The following CDK5RAP2 variants were observed in gnomAD, a reference collection of about 807,000 sequenced individuals.
CDK5RAP2 encodes CDK5 regulatory subunit-associated protein 2.
A neutral mutation model predicts 232.9 loss-of-function variants in CDK5RAP2; 147 were observed. The observed-to-expected ratio is 0.63, with a 90% confidence interval of 0.55 to 0.72. CDK5RAP2 has a LOEUF of 0.72. Ranked by LOEUF, CDK5RAP2 falls within the 30% of genes least tolerant of loss-of-function variation. The pLI is 0.00. For synonymous variants in CDK5RAP2, 833 were observed against 833.7 expected, an observed-to-expected ratio of 1.00 and a Z score of 0.01; for missense variants, 2,195 against 2,231.5, an observed-to-expected ratio of 0.98 and a Z score of 0.33.
intron 19 of CDK5RAP2, 35 bp from the exon 20 acceptor site, chr9:120,458,657 A>G: frequency 6.3e-7 from 1 of 1,597,816 alleles, no homozygotes; most frequent in Non-Finnish European, 8.6e-7. Context: ...ATAATGGAAT[A>G]AGGAGGAAGG....
intron 25 of CDK5RAP2, among the ~76,000 whole-genome samples, chr9:120,428,007 C>A (rs1205312485): frequency 6.6e-6 from 1 of 152,212 alleles, no homozygotes; most frequent in Non-Finnish European, 1.5e-5. Context: ...TGAATGACTA[C>A]TGGGTACATA....
At chr9:120,411,214 G>A (rs767663079) in intron 29 of CDK5RAP2, 144 bp downstream of exon 29, 1 of 712,218 alleles carries the variant, frequency 1.4e-6, no homozygotes. Context: ...ACCTCACAGG[G>A]CTGCTGTGAC....
chr9:120,541,921 G>A (rs901798199), intron 5 of CDK5RAP2, among the ~76,000 whole-genome samples: 4 of 152,190 alleles, frequency 2.6e-5, no homozygotes, highest in African/African-American at 9.6e-5. Context: ...GAGAGAAACT[G>A]GTTTCATCTA....
intron 26 of CDK5RAP2, among the ~76,000 whole-genome samples, chr9:120,421,790 A>G (rs1300077284): frequency 6.6e-6 from 1 of 152,244 alleles, no homozygotes; most frequent in Non-Finnish European, 1.5e-5. Context: ...GATATTCAAG[A>G]CATAGGCTTT....
Position 120,415,122 on chromosome 9 carries a change from C to G in CDK5RAP2, c.4215G>C (p.Leu1405Phe). ...TAATAGATTCTTCTAAACGCTTTCT[C>G]AAAGTTCGAATTTCCTGTATGTGTT... is the stretch of plus-strand genomic sequence containing the variant. The part of the protein sequence containing the change: ...LMEHIQEIRT[L>F]RKRLEESIKT... Residue 1405 changes from leucine (L) to phenylalanine (F), a missense_variant, in exon 28 of 38, where the codon TTG (leucine) becomes TTC (phenylalanine). By Grantham distance (22) the Leu-to-Phe change is conservative. Coordinates refer to ENST00000349780, the MANE Select transcript of CDK5RAP2 (RefSeq NM_018249.6). 1.2e-6 allele frequency: 2 copies of G among 1,614,118 alleles called. No homozygotes were observed. The highest frequency in any genetic ancestry group is 1.7e-6 in the Non-Finnish European group (2 of 1,179,992).
intron 12 of CDK5RAP2, among the ~76,000 whole-genome samples, chr9:120,493,635 G>C (rs1430374075): frequency 6.6e-6 from 1 of 152,170 alleles, no homozygotes; most frequent in East Asian, 1.9e-4. Flanking sequence ...TACCACTTTA[G>C]ATGGTAGTTA....
chr9:120,452,430 A>T (rs1225571168), intron 21 of CDK5RAP2, among the ~76,000 whole-genome samples: 1 of 152,158 alleles, frequency 6.6e-6, no homozygotes. Context: ...TTAATTCTCC[A>T]TTCTGATGCT....
In CDK5RAP2 at chr9:120,545,749, T is replaced by C. The variant is rs988540359; in HGVS notation, c.348A>G (p.Glu116=). 2 of 1,613,544 alleles carry C rather than the reference T, an allele frequency of 1.2e-6. No individual in the cohort carries two copies. The highest frequency in any genetic ancestry group is 1.7e-6 in the Non-Finnish European group (2 of 1,179,806). Reference sequence around the variant, plus strand: ...TGAGCAGCTGCTCTCTCTCCTGGAGTTCCCGCTTCAGACTTTCTACTTCCA... The same window carrying C: ...TGAGCAGCTGCTCTCTCTCCTGGAGCTCCCGCTTCAGACTTTCTACTTCCA... The part of the protein sequence containing the change: ...LKVEVESLKR[E]LQEREQLLIK... The change falls in exon 5 of 38, where the codon GAA becomes GAG. Residue 116 remains glutamate (E), a synonymous_variant. Transcript: ENST00000349780.
chr9:120,473,425 G>A (rs887957687), intron 15 of CDK5RAP2, among the ~76,000 whole-genome samples: 5 of 152,206 alleles, frequency 3.3e-5, no homozygotes, highest in African/African-American at 9.7e-5. Context: ...GCCCCCGAAT[G>A]GTTAGAGGCA....
intron 15 of CDK5RAP2, among the ~76,000 whole-genome samples, chr9:120,476,148 T>C (rs916620847): frequency 1.3e-5 from 2 of 151,458 alleles, no homozygotes; most frequent in African/African-American, 2.4e-5. Context: ...GCAGAGGACA[T>C]ATGAGAGGGA....
intron 12 of CDK5RAP2, among the ~76,000 whole-genome samples, chr9:120,493,276 A>G (rs796135005): frequency 2.2e-4 from 34 of 152,358 alleles, no homozygotes; most frequent in African/African-American, 6.0e-4. Flanking sequence ...GCAAGATAAT[A>G]GATTTGTATT....
At position 120,547,519 on chromosome 9, in the gene CDK5RAP2, G is replaced by A. The variant is rs549778758; in HGVS notation, c.307-1729C>T. ...TTTGGAAGGCTGAGGCAGAAGAATC[G>A]CTCGAACCCAGGAGGCAGAGGTCGC... On this transcript the variant is annotated intron_variant, in intron 4 of 37. Transcript: ENST00000349780. Among the ~76,000 whole-genome samples the A allele has an allele frequency of 3.9e-5, 6 of 151,960 alleles. No individual in the cohort carries two copies. The East Asian group carries it at 5.9e-4, about 15-fold the overall frequency.
At chr9:120,510,780 C>A (rs1305476605) in intron 12 of CDK5RAP2, among the ~76,000 whole-genome samples, 1 of 152,150 alleles carries the variant, frequency 6.6e-6, no homozygotes, top group Non-Finnish European at 1.5e-5. Flanking sequence ...CCTGAGTTTC[C>A]TTCAAGGGAT....
At chr9:120,455,822 C>T (rs2036741666) in intron 20 of CDK5RAP2, among the ~76,000 whole-genome samples, 1 of 152,046 alleles carries the variant, frequency 6.6e-6, no homozygotes, top group South Asian at 2.1e-4. Flanking sequence ...AGGAGCTCCC[C>T]TCATGCTGGT....
chr9:120,389,650 C>T (rs535104348), intron 37 of CDK5RAP2, 91 bp downstream of exon 37: 97 of 1,245,076 alleles, frequency 7.8e-5, no homozygotes, highest in Non-Finnish European at 1.1e-4. Context: ...CCTGGTTCCA[C>T]CTGCACCTTC....
At chr9:120,447,508 G>A (rs2036256790) in intron 22 of CDK5RAP2, among the ~76,000 whole-genome samples, 1 of 152,230 alleles carries the variant, frequency 6.6e-6, no homozygotes, top group Non-Finnish European at 1.5e-5. Flanking sequence ...TTAGCCCCAA[G>A]TTGGCCTGGA....
At position 120,535,233 on chromosome 9, in the gene CDK5RAP2, T is replaced by C. The variant is rs542147240; in HGVS notation, c.662+1139A>G. Among the ~76,000 whole-genome samples, 90 of 152,316 alleles carry C rather than the reference T, an allele frequency of 5.9e-4. 1 individual carries two copies. The highest frequency in any genetic ancestry group is 2.1e-3 in the African/African-American group (88 of 41,574). On this transcript the variant is annotated intron_variant, in intron 7 of 37. Transcript: ENST00000349780. Reference sequence around the variant, plus strand: ...CCTCCAAATGCTGAAGCTAGGGCACTTACATGGAGGCATGGGCTCTCCCTC... The same window carrying C: ...CCTCCAAATGCTGAAGCTAGGGCACCTACATGGAGGCATGGGCTCTCCCTC...
intron 14 of CDK5RAP2, among the ~76,000 whole-genome samples, chr9:120,484,914 G>C (rs2038515132): frequency 1.3e-5 from 2 of 151,314 alleles, no homozygotes; most frequent in African/African-American, 4.9e-5. Flanking sequence ...GTAGATACTG[G>C]GGTCTCAGTA....
chr9:120,562,421 C>G (rs1242955510), intron 3 of CDK5RAP2, among the ~76,000 whole-genome samples: 1 of 152,180 alleles, frequency 6.6e-6, no homozygotes, highest in East Asian at 1.9e-4. Context: ...TTTACCCCAA[C>G]AGCCATGAGC....
Sources: allele counts gnomAD v4.1 joint callset (sites outside exome capture counted in the v4.1 genomes callset), GRCh38; gene constraint gnomAD v4.1.1; transcripts MANE v1.5; gene names NCBI Gene and HGNC (gene_info 2026-07-23, HGNC 2026-07-21).